MRPL47: variants seen among roughly 807,000 people sequenced by gnomAD.
MRPL47 encodes mitochondrial ribosomal protein L47.
Under a neutral mutation model 34.0 loss-of-function variants are expected in MRPL47, and 31 were observed. The ratio of observed to expected loss-of-function variants is 0.91; its 90% CI spans 0.68 to 1.23. The LOEUF is 1.23. Among genes scored for constraint, MRPL47 ranks in the 50% most tolerant of loss-of-function variants. The pLI is 0.00. For missense variants in MRPL47, 328 were observed against 285.8 expected, an observed-to-expected ratio of 1.15 and a Z score of -1.07; for synonymous variants, 106 against 101.6, an observed-to-expected ratio of 1.04 and a Z score of -0.26.
At chr3:179,595,157 C>A (rs1463287905) in intron 4 of MRPL47, among the ~76,000 whole-genome samples, 4 of 152,106 alleles carry the variant, frequency 2.6e-5, no homozygotes, top group African/African-American at 9.7e-5. Flanking sequence ...GCAATCCTCC[C>A]ACCTCAGCCT....
chr3:179,599,349 G>C (rs1432419639), intron 3 of MRPL47, among the ~76,000 whole-genome samples: 3 of 152,212 alleles, frequency 2.0e-5, no homozygotes, highest in African/African-American at 4.8e-5. Flanking sequence ...ATTCTGAGTG[G>C]AGAGTAGAGA....
chr3:179,591,622 T>C (rs1267367314), intron 6 of MRPL47, among the ~76,000 whole-genome samples: 1 of 152,192 alleles, frequency 6.6e-6, no homozygotes, highest in Non-Finnish European at 1.5e-5. Context: ...AACATGAGTT[T>C]AGATATAATA....
chr3:179,589,449 T>C (rs1037238284), intron 6 of MRPL47, among the ~76,000 whole-genome samples: 1 of 152,190 alleles, frequency 6.6e-6, no homozygotes, highest in Admixed American at 6.5e-5. Flanking sequence ...ATGAGTTTGT[T>C]CCCACACATC....
chr3:179,597,636 G>A (rs898510803), intron 4 of MRPL47, among the ~76,000 whole-genome samples: 6 of 151,776 alleles, frequency 4.0e-5, no homozygotes, highest in African/African-American at 1.2e-4. Flanking sequence ...GTAAAACCCC[G>A]TCTCTATTAA....
rs752363954 is a variant in MRPL47, at chr3:179,601,800, T to C, written c.245-10A>G. On this transcript the variant is annotated splice_polypyrimidine_tract_variant and intron_variant, in intron 2 of 6. Transcript: ENST00000476781. ...CAGGTCCATGCTGCTCCTATTAAAA[T>C]AATACATAACATGAAATAACATTTC... 1 of 1,592,526 alleles carries C rather than the reference T, an allele frequency of 6.3e-7. No homozygotes were observed.
At chr3:179,600,827 T>C (rs971612557) in intron 3 of MRPL47, among the ~76,000 whole-genome samples, 1 of 152,140 alleles carries the variant, frequency 6.6e-6, no homozygotes, top group African/African-American at 2.4e-5. Flanking sequence ...GCAGGGCCGG[T>C]GTTGCCAAAT....
chr3:179,599,668 A>G (rs1366879536), intron 3 of MRPL47, among the ~76,000 whole-genome samples: 1 of 152,200 alleles, frequency 6.6e-6, no homozygotes, highest in African/African-American at 2.4e-5. Context: ...TACCAGAAGA[A>G]TTAAGTGGGG....
At position 179,589,123 on chromosome 3, in the gene MRPL47, T is replaced by C. The variant is rs894420496; in HGVS notation, c.630-128A>G. The C allele has an allele frequency of 2.0e-5, 18 of 883,014 alleles. No homozygotes were observed. In the South Asian group the frequency reaches 2.8e-4, roughly 14 times the overall value. 54.7% of individuals were successfully genotyped at this position (883,014 alleles called of 1,614,324 possible). On this transcript the variant is annotated intron_variant, in intron 6 of 6. Transcript: ENST00000476781. The stretch of plus-strand genomic sequence containing the variant: ...GCCAGTCCCTGTATTTGGTGTGTTA[T>C]ATATATTATTAAACTTGAATAGTAA...
At chr3:179,592,537 A>G (rs1370684605) in intron 6 of MRPL47, 107 bp downstream of exon 6, 2 of 678,946 alleles carry the variant, frequency 2.9e-6, no homozygotes, top group African/African-American at 3.6e-5. Context: ...AACAGAAATT[A>G]AAATTTAAAG....
intron 4 of MRPL47, among the ~76,000 whole-genome samples, chr3:179,597,451 C>T (rs143462540): frequency 1.0e-3 from 159 of 152,106 alleles, no homozygotes; most frequent in African/African-American, 3.6e-3. Context: ...TACTATGCCA[C>T]AGAAAAAAAT....
At chr3:179,595,253 G>A (rs1163164450) in intron 4 of MRPL47, among the ~76,000 whole-genome samples, 1 of 152,004 alleles carries the variant, frequency 6.6e-6, no homozygotes, top group East Asian at 1.9e-4. Flanking sequence ...TTGCCATGTA[G>A]CCCAGGCTGG....
chr3:179,590,782 T>C (rs1047040350), intron 6 of MRPL47, among the ~76,000 whole-genome samples: 3 of 151,738 alleles, frequency 2.0e-5, no homozygotes, highest in African/African-American at 7.3e-5. Context: ...GTAATTCAAT[T>C]TGATGAAGAC....
At chr3:179,602,893 C>T (rs1044332634) in intron 1 of MRPL47, 96 bp from the exon 2 acceptor site, 15 of 1,045,026 alleles carry the variant, frequency 1.4e-5, no homozygotes, top group African/African-American at 3.4e-5. Context: ...ATTTTGTCAT[C>T]GATAACATTT....
chr3:179,593,842 G>C lies in MRPL47; in HGVS notation c.456C>G (p.Ala152=). 1 of 1,613,572 alleles carries C rather than the reference G, an allele frequency of 6.2e-7. No individual in the cohort carries two copies. The highest frequency in any genetic ancestry group is 1.1e-5 in the South Asian group (1 of 91,052). ...CTTGACCAGTCTGAAGAAGCCTTAG[G>C]GCATCTTCTCTTTCCTGGACAACTT... The part of the protein sequence containing the change: ...LDKVVQERED[A]LRLLQTGQER... The change falls in exon 5 of 7, where the codon GCC becomes GCG. Residue 152 remains alanine (A), a synonymous_variant. Coordinates refer to ENST00000476781, the MANE Select transcript of MRPL47 (RefSeq NM_020409.3).
chr3:179,602,846 T>A, intron 1 of MRPL47, 49 bp from the exon 2 acceptor site: 1 of 1,378,136 alleles, frequency 7.3e-7, no homozygotes, highest in Non-Finnish European at 1.0e-6. Context: ...ATATCTGGAT[T>A]TTATAAGCAA....
intron 6 of MRPL47, among the ~76,000 whole-genome samples, chr3:179,589,336 A>G (rs1718611715): frequency 6.6e-6 from 1 of 152,214 alleles, no homozygotes; most frequent in Admixed American, 6.5e-5. Flanking sequence ...GATAAGCTAG[A>G]GTGAGTACTA....
chr3:179,592,724 C>T lies in MRPL47; in HGVS notation c.549G>A (p.Gln183=). ...TATTTAGGTGCCAAGGTATAACCCACTGCTTGAACTTGTGCCTGCCAATAA... is the reference window on the plus strand; with the variant it reads ...TATTTAGGTGCCAAGGTATAACCCATTGCTTGAACTTGTGCCTGCCAATAA... ...FGRIIWHKFK[Q]WVIPWHLNKR... Residue 183 remains glutamine, a synonymous_variant, in exon 6 of 7, where the codon CAG becomes CAA. Transcript: ENST00000476781. 6.2e-7 allele frequency: 1 copy of T among 1,612,596 alleles called. No homozygotes were observed. Among genetic ancestry groups the T allele is most frequent in the Non-Finnish European group, 8.5e-7 (1 of 1,179,102 alleles).
At chr3:179,600,621 G>C (rs1449839390) in intron 3 of MRPL47, among the ~76,000 whole-genome samples, 1 of 152,138 alleles carries the variant, frequency 6.6e-6, no homozygotes, top group Non-Finnish European at 1.5e-5. Flanking sequence ...CAGCCTGGGT[G>C]ACAGAGTGAG....
At chr3:179,593,540 G>A (rs1219527903) in intron 5 of MRPL47, among the ~76,000 whole-genome samples, 1 of 152,190 alleles carries the variant, frequency 6.6e-6, no homozygotes, top group Non-Finnish European at 1.5e-5. Context: ...ATAGGTAACT[G>A]AATCATAGGA....
Sources: allele counts gnomAD v4.1 joint callset (sites outside exome capture counted in the v4.1 genomes callset), GRCh38; gene constraint gnomAD v4.1.1; transcripts MANE v1.5; gene names NCBI Gene and HGNC (gene_info 2026-07-23, HGNC 2026-07-21).